The following ST6GAL1 variants were observed in gnomAD, a reference collection of about 807,000 sequenced individuals.
ST6GAL1 encodes the protein ST6 beta-galactoside alpha-2,6-sialyltransferase 1.
A neutral mutation model predicts 38.0 loss-of-function variants in ST6GAL1; 20 were observed. The ratio of observed to expected loss-of-function variants is 0.53; its 90% confidence interval spans 0.37 to 0.77. The LOEUF is 0.77. ST6GAL1 is among the 30% of genes least tolerant of loss of function. The pLI, the probability that ST6GAL1 is intolerant of heterozygous loss-of-function variation, is 0.00. For synonymous variants in ST6GAL1, 196 were observed against 188.2 expected (o/e 1.04, Z -0.34); for missense variants, 432 against 496.4 (o/e 0.87, Z 1.23).
intron 2 of ST6GAL1, among the ~76,000 whole-genome samples, chr3:186,993,807 A>G (rs1716265951): frequency 6.6e-6 from 1 of 152,098 alleles, no homozygotes; most frequent in South Asian, 2.1e-4. Context: ...CTGTAAAATA[A>G]TCAACCCACA....
At chr3:186,933,328 G>A (rs981933202) in intron 1 of ST6GAL1, among the ~76,000 whole-genome samples, 2 of 152,112 alleles carry the variant, frequency 1.3e-5, no homozygotes, top group Non-Finnish European at 1.5e-5. Context: ...GGACCAACCC[G>A]GTGTCCCCTC....
chr3:187,062,161 AAC>A (rs1185948386), intron 5 of ST6GAL1, among the ~76,000 whole-genome samples: 3 of 150,804 alleles, frequency 2.0e-5, no homozygotes, highest in Non-Finnish European at 4.4e-5. Flanking sequence ...CCAAGAATAC[AAC>A]ACAGCACCAC....
intron 2 of ST6GAL1, among the ~76,000 whole-genome samples, chr3:186,971,600 A>G (rs1715352862): frequency 1.3e-5 from 2 of 152,218 alleles, no homozygotes; most frequent in African/African-American, 4.8e-5. Flanking sequence ...GAGCTGCCCC[A>G]GGAATCTGAC....
At chr3:186,953,401 C>A (rs1017896416) in intron 1 of ST6GAL1, among the ~76,000 whole-genome samples, 1 of 152,164 alleles carries the variant, frequency 6.6e-6, no homozygotes, top group African/African-American at 2.4e-5. Flanking sequence ...AGGCAGGACA[C>A]CTTCCTTCAT....
intron 2 of ST6GAL1, among the ~76,000 whole-genome samples, chr3:186,968,472 C>T (rs1251976701): frequency 6.6e-6 from 1 of 152,116 alleles, no homozygotes; most frequent in Non-Finnish European, 1.5e-5. Flanking sequence ...AGCTAATGAA[C>T]ATAACGATTA....
chr3:186,957,870 T>C lies in ST6GAL1; in HGVS notation c.-324-5915T>C, dbSNP rs1037887172. On this transcript the variant is annotated intron_variant, in intron 1 of 7. Transcript: ENST00000169298. ...GGTGGAATAATGGCATTTTCAGGTATGAGAAGTCTCAATGATTTTATCTCC... is the reference window on the plus strand; with the variant it reads ...GGTGGAATAATGGCATTTTCAGGTACGAGAAGTCTCAATGATTTTATCTCC... 2.0e-5 allele frequency among the ~76,000 whole-genome samples: 3 copies of C among 152,308 alleles called. No homozygotes were observed. In the East Asian group the frequency reaches 5.8e-4, roughly 29 times the overall value.
chr3:186,970,221 T>C (rs547233816), intron 2 of ST6GAL1, among the ~76,000 whole-genome samples: 58 of 150,854 alleles, frequency 3.8e-4, no homozygotes, highest in Non-Finnish European at 6.8e-4. Flanking sequence ...TTTTCTTTTT[T>C]TTTTTTTTTT....
chr3:187,017,825 C>A (rs1244242732), intron 2 of ST6GAL1, among the ~76,000 whole-genome samples: 1 of 152,178 alleles, frequency 6.6e-6, no homozygotes, highest in Non-Finnish European at 1.5e-5. Flanking sequence ...CCCTGGAATT[C>A]CTGGAGGACA....
chr3:187,058,092 C>A (rs931016851), intron 5 of ST6GAL1, among the ~76,000 whole-genome samples: 3 of 152,202 alleles, frequency 2.0e-5, no homozygotes, highest in Non-Finnish European at 4.4e-5. Flanking sequence ...GTCCTGGGAC[C>A]CGCTGAGCCA....
intron 2 of ST6GAL1, among the ~76,000 whole-genome samples, chr3:187,014,020 G>A (rs528426276): frequency 2.6e-5 from 4 of 152,288 alleles, no homozygotes; most frequent in East Asian, 3.9e-4. Flanking sequence ...CGGTCAAGCC[G>A]GGCCTCAGCC....
rs1714787208 is a variant in ST6GAL1, at chr3:186,957,526, G to C, written c.-324-6259G>C. Reference sequence around the variant, plus strand: ...CAGAATAGTAAGACTCGCAGAAAAAGAGAATAGAGACAATGAAAGGGAAAA... The same window carrying C: ...CAGAATAGTAAGACTCGCAGAAAAACAGAATAGAGACAATGAAAGGGAAAA... On this transcript the variant is annotated intron_variant, in intron 1 of 7. Coordinates refer to ENST00000169298, the MANE Select transcript of ST6GAL1 (RefSeq NM_173216.2). Among the ~76,000 whole-genome samples, 3 of 152,144 alleles carry C rather than the reference G, an allele frequency of 2.0e-5. No homozygotes were observed. In the South Asian group the frequency reaches 6.2e-4, roughly 32 times the overall value.
chr3:186,954,420 A>G (rs570800227), intron 1 of ST6GAL1, among the ~76,000 whole-genome samples: 123 of 152,316 alleles, frequency 8.1e-4, no homozygotes, highest in Non-Finnish European at 6.5e-4. Context: ...GTCTTCCACA[A>G]TGGTTGAACT....
intron 2 of ST6GAL1, among the ~76,000 whole-genome samples, chr3:186,985,977 C>G (rs1333250901): frequency 6.6e-6 from 1 of 152,008 alleles, no homozygotes; most frequent in African/African-American, 2.4e-5. Flanking sequence ...TGAAAAAGAC[C>G]CAGAGACGCC....
chr3:187,070,951 A>G (rs1719348794), intron 5 of ST6GAL1, among the ~76,000 whole-genome samples: 1 of 152,198 alleles, frequency 6.6e-6, no homozygotes, highest in Admixed American at 6.5e-5. Flanking sequence ...TGAGGAAATG[A>G]GAGTATATTC....
intron 2 of ST6GAL1, among the ~76,000 whole-genome samples, chr3:187,038,201 T>C (rs1306004958): frequency 9.1e-5 from 12 of 132,494 alleles, no homozygotes; most frequent in African/African-American, 1.5e-4. Context: ...CTATTTCTTT[T>C]TTTTTTTTTT....
At chr3:187,037,612 ACT>A (rs1314334031) in intron 2 of ST6GAL1, among the ~76,000 whole-genome samples, 3 of 151,988 alleles carry the variant, frequency 2.0e-5, no homozygotes, top group African/African-American at 7.2e-5. Flanking sequence ...AGACAGGTTC[ACT>A]CTGTCACCTA....
At chr3:186,994,435 T>G (rs1362530520) in intron 2 of ST6GAL1, among the ~76,000 whole-genome samples, 1 of 152,214 alleles carries the variant, frequency 6.6e-6, no homozygotes, top group Middle Eastern at 3.2e-3. Context: ...TGTGTTAGAT[T>G]CACTGAGTGA....
intron 3 of ST6GAL1, among the ~76,000 whole-genome samples, chr3:187,040,218 G>A (rs1034806444): frequency 1.3e-5 from 2 of 152,226 alleles, no homozygotes; most frequent in Non-Finnish European, 2.9e-5. Flanking sequence ...TCTCACGGGA[G>A]TATAATAGGT....
chr3:186,950,545 C>T (rs1049867599), intron 1 of ST6GAL1, among the ~76,000 whole-genome samples: 1 of 152,210 alleles, frequency 6.6e-6, no homozygotes, highest in African/African-American at 2.4e-5. Flanking sequence ...AAAGGCAGAG[C>T]TCACTAAAGT....
Sources: allele counts gnomAD v4.1 joint callset (sites outside exome capture counted in the v4.1 genomes callset), GRCh38; gene constraint gnomAD v4.1.1; transcripts MANE v1.5; gene names NCBI Gene and HGNC (gene_info 2026-07-23, HGNC 2026-07-21).